The following MALRD1 variants were observed in gnomAD, a reference collection of about 807,000 sequenced individuals.
The protein encoded by MALRD1 is MAM and LDL-receptor class A domain-containing protein 1.
MALRD1 carries 247 observed loss-of-function variants against 242.1 expected under a neutral mutation model. The observed-to-expected ratio is 1.02, with a 90% CI of 0.92 to 1.13. The LOEUF is 1.13. Among genes scored for constraint, MALRD1 ranks in the 50% most tolerant of loss-of-function variants. The probability of loss-of-function intolerance (pLI) is 0.00; values close to 1 mark genes in which losing one functional copy is unlikely to be tolerated. For missense variants in MALRD1, 2,989 were observed against 2,533.1 expected, an observed-to-expected ratio of 1.18 and a Z score of -3.86; for synonymous variants, 995 against 866.6, an observed-to-expected ratio of 1.15 and a Z score of -2.60.
At chr10:19,251,571 T>A (rs1469875705) in intron 18 of MALRD1, among the ~76,000 whole-genome samples, 1 of 152,026 alleles carries the variant, frequency 6.6e-6, no homozygotes, top group Non-Finnish European at 1.5e-5. Flanking sequence ...TAGTGTTTTA[T>A]ATCAGTGTAT....
At chr10:19,348,399 A>G (rs12573270) in intron 25 of MALRD1, among the ~76,000 whole-genome samples, 83,371 of 151,886 alleles carry the variant, frequency 0.55, 23,126 homozygotes, top group Middle Eastern at 0.59. Flanking sequence ...AACAACAGTC[A>G]GAATATAATT....
At chr10:19,511,324 A>C (rs942374542) in intron 31 of MALRD1, among the ~76,000 whole-genome samples, 1 of 152,160 alleles carries the variant, frequency 6.6e-6, no homozygotes, top group African/African-American at 2.4e-5. Context: ...GCTGATCTTT[A>C]AATTCTCTAC....
chr10:19,355,516 A>G (rs1009689768), intron 26 of MALRD1, among the ~76,000 whole-genome samples: 3 of 128,798 alleles, frequency 2.3e-5, no homozygotes, highest in Non-Finnish European at 3.3e-5. Flanking sequence ...AAGAAAAACA[A>G]CTGAATGCCT....
intron 12 of MALRD1, among the ~76,000 whole-genome samples, chr10:19,162,038 ACAACAG>A (rs202144415): frequency 0.024 from 3,589 of 147,566 alleles, 126 homozygotes; most frequent in East Asian, 0.17. Flanking sequence ...AAGAACAACA[ACAACAG>A]CAACAACAAC....
At position 19,130,345 on chromosome 10, in the gene MALRD1, C is replaced by T. The variant is rs1833053759; in HGVS notation, c.1110+1958C>T. 1.3e-5 allele frequency among the ~76,000 whole-genome samples: 2 copies of T among 152,110 alleles called. 1 individual carries two copies. Among genetic ancestry groups the T allele is most frequent in the South Asian group, 4.1e-4 (2 of 4,834 alleles). ...GCTGTTTGAACCAATCCCAGCAAGCCTCCATGCAATCTACAACATTCTATA... is the reference window on the plus strand; with the variant it reads ...GCTGTTTGAACCAATCCCAGCAAGCTTCCATGCAATCTACAACATTCTATA... On this transcript the variant is annotated intron_variant, in intron 8 of 39. Coordinates refer to ENST00000454679, the MANE Select transcript of MALRD1 (RefSeq NM_001142308.3).
At position 19,125,655 on chromosome 10, in the gene MALRD1, G is replaced by A. The variant is rs528787025; in HGVS notation, c.943+985G>A. 8.7e-4 allele frequency among the ~76,000 whole-genome samples: 131 copies of A among 150,472 alleles called. 1 individual carries two copies. In the South Asian group the frequency reaches 0.019, roughly 22 times the overall value. On this transcript the variant is annotated intron_variant, in intron 7 of 39. Coordinates refer to ENST00000454679, the MANE Select transcript of MALRD1 (RefSeq NM_001142308.3). The stretch of plus-strand genomic sequence containing the variant: ...GTTATGACTATTCTTAATTTTTAGG[G>A]TATATTCTTTATATGAAATTTCTTT...
intron 18 of MALRD1, among the ~76,000 whole-genome samples, chr10:19,215,358 T>C (rs1369690395): frequency 1.3e-5 from 2 of 152,252 alleles, no homozygotes; most frequent in Non-Finnish European, 2.9e-5. Context: ...ATGTTGGCTA[T>C]TGTTTGTGCT....
chr10:19,418,970 T>A (rs16918712), intron 28 of MALRD1, among the ~76,000 whole-genome samples: 9,646 of 152,194 alleles, frequency 0.063, 942 homozygotes, highest in African/African-American at 0.21. Context: ...GCCACAAAAA[T>A]AGTAGTATGG....
chr10:19,182,137 G>A (rs911029392), intron 14 of MALRD1, among the ~76,000 whole-genome samples: 1 of 151,840 alleles, frequency 6.6e-6, no homozygotes, highest in African/African-American at 2.4e-5. Flanking sequence ...ACAGTTCTAG[G>A]CCTGTCTCTG....
At chr10:19,607,298 GGCT>G (rs1215815869) in intron 34 of MALRD1, among the ~76,000 whole-genome samples, 4 of 152,126 alleles carry the variant, frequency 2.6e-5, no homozygotes, top group Admixed American at 2.6e-4. Flanking sequence ...CACTTCTGGA[GGCT>G]AAAAGTCCAA....
Position 19,244,098 on chromosome 10 carries a change from A to G in MALRD1, c.2992-13586A>G, listed in dbSNP as rs148336209. Among the ~76,000 whole-genome samples, 53 of 152,260 alleles carry G rather than the reference A, an allele frequency of 3.5e-4. No homozygotes were observed. In the East Asian group the frequency reaches 9.9e-3, roughly 28 times the overall value. ...TTATCTAAAGATATCCGAAACTAAG[A>G]TCCAGTTTTCTAAGAAAAGACCTTT... On this transcript the variant is annotated intron_variant, in intron 18 of 39. Transcript: ENST00000454679.
chr10:19,634,300 G>A (rs1326989), intron 36 of MALRD1, among the ~76,000 whole-genome samples: 22,890 of 152,088 alleles, frequency 0.15, 2,958 homozygotes, highest in African/African-American at 0.35. Flanking sequence ...GAAAATGTCA[G>A]CTCACCTACT....
rs375140198 is a variant in MALRD1, at chr10:19,127,718, G to T, written c.944-503G>T. Among the ~76,000 whole-genome samples, 265 of 152,124 alleles carry T rather than the reference G, an allele frequency of 1.7e-3. 1 individual carries two copies. Among genetic ancestry groups the T allele is most frequent in the African/African-American group, 6.1e-3 (255 of 41,506 alleles). On this transcript the variant is annotated intron_variant, in intron 7 of 39. Coordinates refer to ENST00000454679, the MANE Select transcript of MALRD1 (RefSeq NM_001142308.3). Reference sequence around the variant, plus strand: ...CAAAATCCATAGGTGACGTTTAAAAGGACTGTAGATATCTCATACCTCTAT... The same window carrying T: ...CAAAATCCATAGGTGACGTTTAAAATGACTGTAGATATCTCATACCTCTAT...
At chr10:19,088,784 T>G (rs902023337) in intron 4 of MALRD1, among the ~76,000 whole-genome samples, 3 of 71,672 alleles carry the variant, frequency 4.2e-5, no homozygotes, top group African/African-American at 1.7e-4. Context: ...CCCCTTCCTG[T>G]GTCCATGTGA....
At chr10:19,207,550 G>C (rs890361145) in intron 17 of MALRD1, among the ~76,000 whole-genome samples, 82 of 152,122 alleles carry the variant, frequency 5.4e-4, no homozygotes, top group Admixed American at 5.2e-3. Context: ...GCTTAGGCTG[G>C]AGTACAGTGG....
chr10:19,381,010 T>G (rs1048583181), intron 26 of MALRD1, among the ~76,000 whole-genome samples: 1 of 149,964 alleles, frequency 6.7e-6, no homozygotes, highest in Non-Finnish European at 1.5e-5. Context: ...CTGCACCCAC[T>G]AAATCGTCAT....
intron 21 of MALRD1, among the ~76,000 whole-genome samples, chr10:19,312,400 A>ATATATGTATG (rs1491220851): frequency 6.3e-5 from 9 of 143,596 alleles, no homozygotes; most frequent in African/African-American, 2.3e-4. Context: ...ATATATATAT[A>ATATATGTATG]TGTGTATATG....
chr10:19,433,936 G>A (rs144257089), intron 28 of MALRD1, among the ~76,000 whole-genome samples: 2 of 151,884 alleles, frequency 1.3e-5, no homozygotes, highest in African/African-American at 2.4e-5. Flanking sequence ...TGTGTTTGTG[G>A]GAATGAAAGA....
At chr10:19,558,195 C>G (rs1170545699) in intron 32 of MALRD1, among the ~76,000 whole-genome samples, 1 of 151,976 alleles carries the variant, frequency 6.6e-6, no homozygotes, top group Non-Finnish European at 1.5e-5. Context: ...CATCTATGAA[C>G]AGTTTTATTT....
Sources: gnomAD v4.1 joint callset for allele counts (sites outside exome capture counted in the v4.1 genomes callset) on GRCh38, gnomAD v4.1.1 for gene constraint, MANE v1.5 for transcripts, NCBI Gene and HGNC (gene_info 2026-07-23, HGNC 2026-07-21) for gene names.